The following MED12L variants were observed in gnomAD, a reference collection of about 807,000 sequenced individuals.
MED12L encodes mediator of RNA polymerase II transcription subunit 12-like protein.
In MED12L, 60 loss-of-function variants were observed where a neutral mutation model predicts 281.3. That is an observed-to-expected ratio of 0.21 (90% CI 0.17 to 0.26). The LOEUF is 0.26. Ranked by LOEUF, MED12L falls within the 10% of genes least tolerant of loss-of-function variation. The pLI, the probability that MED12L is intolerant of heterozygous loss-of-function variation, is 1.00. For missense variants in MED12L, 2,146 were observed against 2,680.9 expected (o/e 0.80, Z 4.41); for synonymous variants, 974 against 987.2 (o/e 0.99, Z 0.25).
At chr3:151,141,193 T>TTTTTGTTTGTTTG (rs1553808556) in intron 5 of MED12L, among the ~76,000 whole-genome samples, 2 of 105,124 alleles carry the variant, frequency 1.9e-5, no homozygotes, top group Non-Finnish European at 3.8e-5. Context: ...TTTTGTTTTT[T>TTTTTGTTTGTTTG]TTTTTTTGTT....
intron 16 of MED12L, among the ~76,000 whole-genome samples, chr3:151,334,247 T>G (rs1275270395): frequency 6.9e-6 from 1 of 145,254 alleles, no homozygotes; most frequent in African/African-American, 2.5e-5. Context: ...TTTCATGCTC[T>G]TGCCCCATTT....
rs544961476 is a variant in MED12L at position 151,434,991 on chromosome 3, A to G, written c.*2187A>G. 6.8e-6 allele frequency: 1 copy of G among 147,790 alleles called. No homozygotes were observed. The highest frequency in any genetic ancestry group is 2.2e-4 in the South Asian group (1 of 4,626). The allele number at this position is 147,790 out of a possible 1,614,324, so 9.2% of individuals were successfully genotyped here. On this transcript the variant is annotated 3_prime_UTR_variant, in exon 45 of 45. Transcript: ENST00000687756. ...GAATGCTGTTTTACCCCTGCGCATT[A>G]TAAAGAAAATAACTAGAATTACTTT...
At chr3:151,239,675 A>AT (rs1733681540) in intron 16 of MED12L, among the ~76,000 whole-genome samples, 1 of 152,182 alleles carries the variant, frequency 6.6e-6, no homozygotes. Flanking sequence ...GTCCTCAGTA[A>AT]TTTTTTAAGA....
At chr3:151,248,653 C>T (rs1181561511) in intron 16 of MED12L, among the ~76,000 whole-genome samples, 1 of 151,942 alleles carries the variant, frequency 6.6e-6, no homozygotes, top group East Asian at 1.9e-4. Context: ...GGAAATCATG[C>T]CTTATCAAAT....
At chr3:151,213,986 A>G (rs750753404) in intron 16 of MED12L, 2 of 1,614,130 alleles carry the variant, frequency 1.2e-6, no homozygotes, top group South Asian at 1.1e-5. Flanking sequence ...AGCCCAAAGA[A>G]CACAATGCTG....
chr3:151,351,546 T>C (rs945864860), intron 17 of MED12L, among the ~76,000 whole-genome samples: 1 of 152,234 alleles, frequency 6.6e-6, no homozygotes, highest in African/African-American at 2.4e-5. Flanking sequence ...GAAAACTGTT[T>C]ATCTGTTGTT....
chr3:151,130,752 C>A (rs1576791086), intron 5 of MED12L, among the ~76,000 whole-genome samples: 1 of 152,198 alleles, frequency 6.6e-6, no homozygotes, highest in African/African-American at 2.4e-5. Context: ...TAAGAAAAGC[C>A]TTCTCCAACC....
chr3:151,276,919 C>A (rs1344506844), intron 16 of MED12L, among the ~76,000 whole-genome samples: 3 of 152,128 alleles, frequency 2.0e-5, no homozygotes, highest in Admixed American at 1.3e-4. Context: ...GTTTTTGAGA[C>A]AGGGTCTCAC....
At chr3:151,360,677 T>C (rs1754497914) in intron 21 of MED12L, 72 bp downstream of exon 21, 1 of 1,387,764 alleles carries the variant, frequency 7.2e-7, no homozygotes, top group Non-Finnish European at 9.9e-7. Context: ...GACAATATTG[T>C]CATCCTTTTG....
intron 3 of MED12L, among the ~76,000 whole-genome samples, chr3:151,121,166 A>C (rs183309358): frequency 1.3e-5 from 2 of 152,312 alleles, no homozygotes; most frequent in African/African-American, 4.8e-5. Context: ...AGAAATTTAA[A>C]ATTAAACAAT....
At chr3:151,185,606 T>G (rs943893948) in intron 12 of MED12L, 145 bp downstream of exon 12, 47 of 810,706 alleles carry the variant, frequency 5.8e-5, no homozygotes, top group Admixed American at 4.0e-4. Context: ...TAAGGAAGAT[T>G]CTTATAGTAG....
At chr3:151,368,380 G>A (rs1390944137) in intron 25 of MED12L, 129 bp downstream of exon 25, 1 of 725,952 alleles carries the variant, frequency 1.4e-6, no homozygotes, top group Non-Finnish European at 2.4e-6. Flanking sequence ...GGTGATGAAG[G>A]GTGAGATGAT....
chr3:151,371,987 G>T, intron 26 of MED12L, among the ~76,000 whole-genome samples: 1 of 152,136 alleles, frequency 6.6e-6, no homozygotes, highest in Non-Finnish European at 1.5e-5. Context: ...AGAGAGGAAG[G>T]TAAAAAAACA....
At chr3:151,215,197 T>C (rs777211698) in intron 16 of MED12L, among the ~76,000 whole-genome samples, 8 of 152,214 alleles carry the variant, frequency 5.3e-5, no homozygotes, top group African/African-American at 1.9e-4. Flanking sequence ...AAAAGTACTT[T>C]AAGCATTCTG....
intron 2 of MED12L, among the ~76,000 whole-genome samples, chr3:151,099,597 A>G (rs1335483935): frequency 6.6e-6 from 1 of 152,206 alleles, no homozygotes; most frequent in Non-Finnish European, 1.5e-5. Context: ...TTTGGGTTGA[A>G]GAGCATGCAG....
chr3:151,185,206 A>G, intron 11 of MED12L, 124 bp from the exon 12 acceptor site: 1 of 879,084 alleles, frequency 1.1e-6, no homozygotes, highest in Non-Finnish European at 1.7e-6. Flanking sequence ...CGCTTTCTAA[A>G]GCTACTATAA....
intron 2 of MED12L, among the ~76,000 whole-genome samples, chr3:151,087,607 T>A (rs78165448): frequency 0.022 from 3,365 of 152,328 alleles, 121 homozygotes; most frequent in East Asian, 0.17. Context: ...TTTTCGTCTC[T>A]AGAGGCAATG....
chr3:151,166,963 C>A (rs1206704025), intron 11 of MED12L, among the ~76,000 whole-genome samples: 1 of 152,118 alleles, frequency 6.6e-6, no homozygotes, highest in Admixed American at 6.5e-5. Context: ...CCTGAGCCAC[C>A]GCACCCGGCC....
chr3:151,185,560 C>A, intron 12 of MED12L, 99 bp downstream of exon 12: 1 of 1,309,082 alleles, frequency 7.6e-7, no homozygotes, highest in Non-Finnish European at 1.0e-6. Flanking sequence ...TATTCTTTTG[C>A]TCTTGAGGAA....
Sources: allele counts gnomAD v4.1 joint callset (sites outside exome capture counted in the v4.1 genomes callset), GRCh38; gene constraint gnomAD v4.1.1; transcripts MANE v1.5; gene names NCBI Gene and HGNC (gene_info 2026-07-23, HGNC 2026-07-21).